DGKD: variants seen among roughly 807,000 people sequenced by gnomAD.
DGKD encodes diacylglycerol kinase delta.
A neutral mutation model predicts 154.4 loss-of-function variants in DGKD; 68 were observed. The ratio of observed to expected loss-of-function variants is 0.44; its 90% confidence interval spans 0.36 to 0.54. The LOEUF is 0.54. Among genes scored for constraint, DGKD ranks in the 20% least tolerant of loss-of-function variants. DGKD has a pLI of 0.00. For synonymous variants in DGKD, 693 were observed against 638.0 expected (o/e 1.09, Z -1.30); for missense variants, 1,343 against 1,593.6 (o/e 0.84, Z 2.68).
At chr2:233,421,983 T>C (rs374077742) in intron 3 of DGKD, among the ~76,000 whole-genome samples, 1 of 150,672 alleles carries the variant, frequency 6.6e-6, no homozygotes, top group Non-Finnish European at 1.5e-5. Flanking sequence ...ACTTGGGAGG[T>C]TGGGGGGATG....
At chr2:233,385,800 C>T (rs560853633) in intron 1 of DGKD, 37 of 369,256 alleles carry the variant, frequency 1.0e-4, no homozygotes, top group Non-Finnish European at 1.9e-4. Flanking sequence ...TACTCACAAG[C>T]AGCGAATCAG....
intron 3 of DGKD, among the ~76,000 whole-genome samples, chr2:233,390,908 T>G (rs908892921): frequency 6.6e-6 from 1 of 152,146 alleles, no homozygotes. Flanking sequence ...TAATTTTGTA[T>G]TTTTAGTAGA....
intron 1 of DGKD, among the ~76,000 whole-genome samples, chr2:233,370,573 T>TTTTG: frequency 7.0e-6 from 1 of 142,864 alleles, no homozygotes; most frequent in African/African-American, 2.5e-5. Flanking sequence ...ACTTCTTCTT[T>TTTTG]TTTTTTTTTT....
intron 26 of DGKD, chr2:233,463,782 C>T (rs554296139): frequency 4.4e-5 from 12 of 270,892 alleles, no homozygotes; most frequent in Non-Finnish European, 7.3e-5. Flanking sequence ...TGGTCACACG[C>T]GTGTCCTCAC....
intron 3 of DGKD, among the ~76,000 whole-genome samples, chr2:233,432,355 C>G (rs983370899): frequency 1.2e-4 from 16 of 133,050 alleles, no homozygotes; most frequent in African/African-American, 4.5e-4. Flanking sequence ...GAAACCTCGT[C>G]TCTACTAAAA....
chr2:233,362,185 T>C (rs1233788571), intron 1 of DGKD, among the ~76,000 whole-genome samples: 1 of 151,768 alleles, frequency 6.6e-6, no homozygotes, highest in Non-Finnish European at 1.5e-5. Flanking sequence ...GCTGAAAAAA[T>C]TGTGTGAACC....
In DGKD at chr2:233,438,722, A is replaced by G. The variant is rs2062781400; in HGVS notation, c.1085+343A>G. Among the ~76,000 whole-genome samples the G allele has an allele frequency of 1.5e-5, 2 of 131,046 alleles. No homozygotes were observed. The highest frequency in any genetic ancestry group is 2.3e-4 in the South Asian group (1 of 4,354). The allele number at this position is 131,046 out of a possible 152,430, so 86.0% of individuals were successfully genotyped here. ...CAACGTTGTGGGTGTATTTTCTTTCATTTTATAATTTTTTATTTATCTGTC... is the reference window on the plus strand; with the variant it reads ...CAACGTTGTGGGTGTATTTTCTTTCGTTTTATAATTTTTTATTTATCTGTC... On this transcript the variant is annotated intron_variant, in intron 9 of 29. Coordinates refer to ENST00000264057, the MANE Select transcript of DGKD (RefSeq NM_152879.3). This position sits in a 1 kb window ranked among gnomAD's most constrained non-coding sequence, Gnocchi z 4.1.
intron 3 of DGKD, among the ~76,000 whole-genome samples, chr2:233,423,236 G>T (rs1406393042): frequency 6.6e-6 from 1 of 152,132 alleles, no homozygotes; most frequent in African/African-American, 2.4e-5. Flanking sequence ...AGGTTTCGGT[G>T]CAAACATGAA....
chr2:233,434,646 C>A, intron 4 of DGKD, 123 bp from the exon 5 acceptor site: 1 of 1,498,758 alleles, frequency 6.7e-7, no homozygotes. Flanking sequence ...CTCAGCAGAC[C>A]TGTCCTTTAT....
intron 1 of DGKD, among the ~76,000 whole-genome samples, chr2:233,384,075 C>T (rs1490426460): frequency 1.3e-5 from 2 of 152,082 alleles, no homozygotes; most frequent in Non-Finnish European, 2.9e-5. Flanking sequence ...ATGGATTCCA[C>T]GTTCATAAAA....
In DGKD at chr2:233,459,639, G is replaced by A; in HGVS notation, c.2695-118G>A. ...GCGCCATCCCAGAGGCAGAGGTGGGGTGTCCTGCAAGGCAGGGACGGGTGT... is the reference window on the plus strand; with the variant it reads ...GCGCCATCCCAGAGGCAGAGGTGGGATGTCCTGCAAGGCAGGGACGGGTGT... On this transcript the variant is annotated intron_variant, in intron 22 of 29. Coordinates refer to ENST00000264057, the MANE Select transcript of DGKD (RefSeq NM_152879.3). This position sits in a 1 kb window ranked among gnomAD's most constrained non-coding sequence, Gnocchi z 5.7. 1 of 1,342,832 alleles carries A rather than the reference G, an allele frequency of 7.4e-7. No individual in the cohort carries two copies. The highest frequency in any genetic ancestry group is 2.3e-5 in the Admixed American group (1 of 43,952). 83.2% of individuals were successfully genotyped at this position (1,342,832 alleles called of 1,614,324 possible). A position where few individuals can be genotyped will look rare whatever the true frequency, so the allele number is the denominator to read the frequency against.
At chr2:233,417,350 A>T (rs1378222537) in intron 3 of DGKD, among the ~76,000 whole-genome samples, 4 of 152,114 alleles carry the variant, frequency 2.6e-5, no homozygotes, top group African/African-American at 9.7e-5. Flanking sequence ...TGCATTTTTT[A>T]AAAGGTGCAG....
In DGKD at chr2:233,452,790, T is replaced by A. The variant is rs1354690814; in HGVS notation, c.2264+730T>A. On this transcript the variant is annotated intron_variant, in intron 18 of 29. Coordinates refer to ENST00000264057, the MANE Select transcript of DGKD (RefSeq NM_152879.3). This position sits in a 1 kb window ranked among gnomAD's most constrained non-coding sequence, Gnocchi z 4.0. The stretch of plus-strand genomic sequence containing the variant: ...TGTTTTTCTGCACTCATCTTTATGC[T>A]GGCTGATTGCAGGTTCTGGGCAGCT... 6.6e-6 allele frequency among the ~76,000 whole-genome samples: 1 copy of A among 152,250 alleles called. No homozygotes were observed. Among genetic ancestry groups the A allele is most frequent in the Non-Finnish European group, 1.5e-5 (1 of 68,046 alleles).
At chr2:233,374,077 A>G (rs926747333) in intron 1 of DGKD, among the ~76,000 whole-genome samples, 3 of 151,604 alleles carry the variant, frequency 2.0e-5, no homozygotes, top group African/African-American at 7.3e-5. Flanking sequence ...TTTTGAGATG[A>G]AGTCTCGCTC....
intron 3 of DGKD, among the ~76,000 whole-genome samples, chr2:233,398,527 T>A (rs937545200): frequency 6.6e-6 from 1 of 152,168 alleles, no homozygotes; most frequent in African/African-American, 2.4e-5. Context: ...TCTTCTCCAT[T>A]TTCTCTTGGG....
rs1226154844 is a variant in DGKD at position 233,470,265 on chromosome 2, C to T, written c.*805C>T. 6.6e-6 allele frequency: 1 copy of T among 152,460 alleles called. No homozygotes were observed. Among genetic ancestry groups the T allele is most frequent in the Admixed American group, 6.5e-5 (1 of 15,288 alleles). The allele number at this position is 152,460 out of a possible 1,614,324, so 9.4% of individuals were successfully genotyped here. ...TGTGAGTGAGACAGCTTGCCAGCTG[C>T]ATCCCTGCAGACAGAGGATGTGTGT... On this transcript the variant is annotated 3_prime_UTR_variant, in exon 30 of 30. Transcript: ENST00000264057.
At chr2:233,415,550 A>G (rs1011634259) in intron 3 of DGKD, among the ~76,000 whole-genome samples, 1 of 152,218 alleles carries the variant, frequency 6.6e-6, no homozygotes, top group African/African-American at 2.4e-5. Context: ...AAATGGGAGT[A>G]ATTATCTCTG....
Position 233,464,299 on chromosome 2 carries a change from G to A in DGKD, c.3306+16G>A. 2 of 1,612,066 alleles carry A rather than the reference G, an allele frequency of 1.2e-6. No homozygotes were observed. Among genetic ancestry groups the A allele is most frequent in the East Asian group, 2.2e-5 (1 of 44,832 alleles). ...CGACGAAGAGGTATGTGGCTCATAG[G>A]GCTGTGCCTGGGTCTCCCGGACATG... On this transcript the variant is annotated intron_variant, in intron 27 of 29. Coordinates refer to ENST00000264057, the MANE Select transcript of DGKD (RefSeq NM_152879.3).
At chr2:233,420,615 G>A (rs1051296453) in intron 3 of DGKD, among the ~76,000 whole-genome samples, 3 of 152,204 alleles carry the variant, frequency 2.0e-5, no homozygotes, top group African/African-American at 7.2e-5. Flanking sequence ...TTATCAGACT[G>A]GACAGCCACA....
Sources: gnomAD v4.1 joint callset for allele counts (sites outside exome capture counted in the v4.1 genomes callset) on GRCh38, gnomAD v4.1.1 for gene constraint, Gnocchi (gnomAD v3.1) non-coding constraint, MANE v1.5 for transcripts, NCBI Gene and HGNC (gene_info 2026-07-23, HGNC 2026-07-21) for gene names.